PTPN12: variants seen among roughly 807,000 people sequenced by gnomAD.
The protein encoded by PTPN12 is tyrosine-protein phosphatase non-receptor type 12.
PTPN12 carries 29 observed loss-of-function variants against 97.6 expected under a neutral mutation model. That is an observed-to-expected ratio of 0.30 (90% CI 0.22 to 0.41). The LOEUF (loss-of-function observed/expected upper bound fraction) is 0.41, where lower values mean the gene tolerates loss of function less well. Among genes scored for constraint, PTPN12 ranks in the 10% least tolerant of loss-of-function variants. The pLI is 1.00. For synonymous variants in PTPN12, 327 were observed against 300.4 expected, an observed-to-expected ratio of 1.09 and a Z score of -0.91; for missense variants, 819 against 926.0, an observed-to-expected ratio of 0.88 and a Z score of 1.50.
intron 1 of PTPN12, among the ~76,000 whole-genome samples, chr7:77,546,102 T>A (rs1164394685): frequency 1.3e-5 from 2 of 152,138 alleles, no homozygotes; most frequent in Non-Finnish European, 2.9e-5. Flanking sequence ...CAGCTACTTT[T>A]TTTATTTTTA....
intron 13 of PTPN12, 100 bp downstream of exon 13, chr7:77,627,775 C>A: frequency 8.3e-7 from 1 of 1,207,820 alleles, no homozygotes; most frequent in Non-Finnish European, 1.1e-6. Flanking sequence ...ATTCCACACT[C>A]TACCATAGAA....
chr7:77,576,470 C>G lies in PTPN12; in HGVS notation c.209-4957C>G, dbSNP rs939248075. On this transcript the variant is annotated intron_variant, in intron 2 of 17. Transcript: ENST00000248594. ...ATCCCAGGACTTTGGGAGGCCGAAGCGGGCAGATCACTTGAGATCAGATCA... is the reference window on the plus strand; with the variant it reads ...ATCCCAGGACTTTGGGAGGCCGAAGGGGGCAGATCACTTGAGATCAGATCA... Among the ~76,000 whole-genome samples, 3 of 152,032 alleles carry G rather than the reference C, an allele frequency of 2.0e-5. No individual in the cohort carries two copies. The South Asian group carries it at 6.2e-4, about 32-fold the overall frequency.
At chr7:77,543,349 T>G (rs867253518) in intron 1 of PTPN12, among the ~76,000 whole-genome samples, 5 of 151,528 alleles carry the variant, frequency 3.3e-5, no homozygotes, top group Admixed American at 1.3e-4. Flanking sequence ...ACTGCCTTTT[T>G]TTTTTTTTTT....
At chr7:77,540,755 TCTC>T (rs1219168010) in intron 1 of PTPN12, among the ~76,000 whole-genome samples, 1 of 152,034 alleles carries the variant, frequency 6.6e-6, no homozygotes, top group East Asian at 1.9e-4. Context: ...GGAACTATGT[TCTC>T]CTGGCATGGA....
At chr7:77,595,699 T>G (rs966299681) in intron 6 of PTPN12, among the ~76,000 whole-genome samples, 2 of 152,182 alleles carry the variant, frequency 1.3e-5, no homozygotes, top group African/African-American at 4.8e-5. Flanking sequence ...AAAGTTCAAA[T>G]ATTATTTGAA....
chr7:77,607,562 C>T (rs1028142621), intron 9 of PTPN12, among the ~76,000 whole-genome samples: 1 of 151,816 alleles, frequency 6.6e-6, no homozygotes, highest in Non-Finnish European at 1.5e-5. Context: ...GGGAGACCCC[C>T]GTCTCTAAAA....
chr7:77,552,549 A>G (rs1437889583), intron 1 of PTPN12, among the ~76,000 whole-genome samples: 1 of 152,194 alleles, frequency 6.6e-6, no homozygotes, highest in Non-Finnish European at 1.5e-5. Context: ...AGATCTATAA[A>G]TTATTATTTT....
chr7:77,604,279 G>T (rs1290065092), intron 8 of PTPN12, among the ~76,000 whole-genome samples: 1 of 132,864 alleles, frequency 7.5e-6, no homozygotes, highest in African/African-American at 2.9e-5. Context: ...GCAATGGTGC[G>T]ATCTTGGCTT....
chr7:77,596,036 T>A (rs937868146), intron 6 of PTPN12, among the ~76,000 whole-genome samples: 3 of 152,184 alleles, frequency 2.0e-5, no homozygotes, highest in South Asian at 2.1e-4. Context: ...TCATGTGTTA[T>A]GGAAAGGTAA....
intron 1 of PTPN12, among the ~76,000 whole-genome samples, chr7:77,558,210 C>CAAAAAAAAAAAAAAAA (rs61149538): frequency 5.3e-5 from 5 of 93,612 alleles, no homozygotes; most frequent in Admixed American, 1.2e-4. Flanking sequence ...GACTCCATCT[C>CAAAAAAAAAAAAAAAA]AAAAAAAAAA....
At chr7:77,544,942 G>C (rs141627421) in intron 1 of PTPN12, among the ~76,000 whole-genome samples, 1 of 152,108 alleles carries the variant, frequency 6.6e-6, no homozygotes. Context: ...ACACAGATGT[G>C]CTCACATAAC....
At chr7:77,611,606 A>C (rs1311262445) in intron 11 of PTPN12, among the ~76,000 whole-genome samples, 1 of 152,036 alleles carries the variant, frequency 6.6e-6, no homozygotes, top group Non-Finnish European at 1.5e-5. Flanking sequence ...CACTGTGCCC[A>C]GCTAGTTTTT....
At chr7:77,599,045 G>T (rs1407814789) in intron 7 of PTPN12, among the ~76,000 whole-genome samples, 1 of 151,136 alleles carries the variant, frequency 6.6e-6, no homozygotes, top group Non-Finnish European at 1.5e-5. Flanking sequence ...TGAAATGAGA[G>T]TGTAATATTT....
chr7:77,565,181 C>G (rs919206757), intron 1 of PTPN12, among the ~76,000 whole-genome samples: 3 of 151,852 alleles, frequency 2.0e-5, no homozygotes, highest in African/African-American at 7.2e-5. Context: ...CATCTTATTC[C>G]GAAAGGAATT....
chr7:77,629,731 C>T (rs1789331781), intron 13 of PTPN12, among the ~76,000 whole-genome samples: 1 of 151,858 alleles, frequency 6.6e-6, no homozygotes. Flanking sequence ...CACTTGAGCC[C>T]AGGAGTTCAT....
At chr7:77,549,499 TTTAAA>T (rs1198004577) in intron 1 of PTPN12, among the ~76,000 whole-genome samples, 2 of 152,146 alleles carry the variant, frequency 1.3e-5, no homozygotes, top group Non-Finnish European at 2.9e-5. Context: ...GGTACCTAAA[TTTAAA>T]TTATAATTTT....
At chr7:77,560,561 T>G (rs1408281741) in intron 1 of PTPN12, among the ~76,000 whole-genome samples, 3 of 152,194 alleles carry the variant, frequency 2.0e-5, no homozygotes, top group African/African-American at 7.2e-5. Context: ...ATTCTCCTCC[T>G]TCCTCCAACC....
chr7:77,595,631 T>G (rs1489516972), intron 6 of PTPN12, among the ~76,000 whole-genome samples: 1 of 152,250 alleles, frequency 6.6e-6, no homozygotes, highest in East Asian at 1.9e-4. Context: ...AGACAAAGAC[T>G]TTGTGGCCCA....
intron 5 of PTPN12, among the ~76,000 whole-genome samples, chr7:77,586,552 C>G (rs1482525562): frequency 6.6e-6 from 1 of 152,102 alleles, no homozygotes; most frequent in Non-Finnish European, 1.5e-5. Flanking sequence ...CTACTGTACT[C>G]CAGCCTGGGC....
Sources: allele counts gnomAD v4.1 joint callset (sites outside exome capture counted in the v4.1 genomes callset), GRCh38; gene constraint gnomAD v4.1.1; transcripts MANE v1.5; gene names NCBI Gene and HGNC (gene_info 2026-07-23, HGNC 2026-07-21).